Variants in DOCK10 observed in about 807,000 individuals in gnomAD.
DOCK10 encodes dedicator of cytokinesis protein 10.
DOCK10 carries 145 observed loss-of-function variants against 280.1 expected under a neutral mutation model. The ratio of observed to expected loss-of-function variants is 0.52; its 90% CI spans 0.45 to 0.59. The LOEUF is 0.59. DOCK10 is among the 20% of genes least tolerant of loss of function. The pLI, the probability that DOCK10 is intolerant of heterozygous loss-of-function variation, is 0.00. For missense variants in DOCK10, 2,368 were observed against 2,651.7 expected, an observed-to-expected ratio of 0.89 and a Z score of 2.35; for synonymous variants, 915 against 942.2, an observed-to-expected ratio of 0.97 and a Z score of 0.53.
At chr2:225,025,912 A>G (rs537198133) in intron 1 of DOCK10, among the ~76,000 whole-genome samples, 1 of 152,310 alleles carries the variant, frequency 6.6e-6, no homozygotes, top group South Asian at 2.1e-4. Flanking sequence ...CTCTGTCTGG[A>G]AGCAATGAGA....
intron 39 of DOCK10, 30 bp from the exon 40 acceptor site, chr2:224,802,070 G>A (rs1693054222): frequency 1.2e-6 from 2 of 1,605,724 alleles, no homozygotes; most frequent in African/African-American, 1.3e-5. Context: ...AGTGGTTAGA[G>A]TTATTTGGGG....
chr2:224,778,657 A>C (rs1691054650), intron 50 of DOCK10, among the ~76,000 whole-genome samples: 1 of 152,208 alleles, frequency 6.6e-6, no homozygotes, highest in Non-Finnish European at 1.5e-5. Flanking sequence ...GGCAGCATTC[A>C]AAGAGCAGTC....
intron 25 of DOCK10, among the ~76,000 whole-genome samples, chr2:224,835,830 A>G (rs1320660661): frequency 6.6e-6 from 1 of 152,252 alleles, no homozygotes; most frequent in Non-Finnish European, 1.5e-5. Context: ...AATTCCACAT[A>G]GGTGTATTTT....
intron 2 of DOCK10, among the ~76,000 whole-genome samples, chr2:224,918,105 G>T (rs1701437209): frequency 6.6e-6 from 1 of 152,108 alleles, no homozygotes; most frequent in South Asian, 2.1e-4. Context: ...TGCCACCAAG[G>T]GCGGCGTCCT....
chr2:224,919,132 T>C (rs371446762), intron 2 of DOCK10, among the ~76,000 whole-genome samples: 1 of 148,166 alleles, frequency 6.7e-6, no homozygotes, highest in East Asian at 2.0e-4. Flanking sequence ...GTGTGGCACG[T>C]ATATGTGTGG....
intron 51 of DOCK10, among the ~76,000 whole-genome samples, chr2:224,777,283 G>A (rs1446153924): frequency 7.9e-5 from 12 of 152,232 alleles, no homozygotes; most frequent in Non-Finnish European, 1.5e-5. Context: ...ATTGAAGGAT[G>A]CAAAGTATTG....
At chr2:224,876,498 A>C (rs1403152654) in intron 7 of DOCK10, among the ~76,000 whole-genome samples, 1 of 152,162 alleles carries the variant, frequency 6.6e-6, no homozygotes, top group Non-Finnish European at 1.5e-5. Context: ...GCTTGAGTAT[A>C]TTCTTAACTC....
At position 224,999,067 on chromosome 2, in the gene DOCK10, G is replaced by A. The variant is rs1706352696; in HGVS notation, c.123+43185C>T. Among the ~76,000 whole-genome samples the A allele has an allele frequency of 3.9e-5, 6 of 152,214 alleles. No homozygotes were observed. In the South Asian group the frequency reaches 1.2e-3, roughly 32 times the overall value. The stretch of plus-strand genomic sequence containing the variant: ...CTGGGTGTGATGGTATACACCTGTA[G>A]TCCCAGCTACTCAGGAGGCTGAGGC... On this transcript the variant is annotated intron_variant, in intron 1 of 55. Transcript: ENST00000258390.
At chr2:224,845,097 C>T in intron 21 of DOCK10, 106 bp downstream of exon 21, 2 of 1,196,234 alleles carry the variant, frequency 1.7e-6, no homozygotes, top group East Asian at 2.6e-5. Flanking sequence ...TTCATAGCTA[C>T]AAGGGACATG....
chr2:224,916,562 A>T, intron 3 of DOCK10, 133 bp downstream of exon 3: 2 of 469,272 alleles, frequency 4.3e-6, no homozygotes, highest in Admixed American at 3.9e-5. Context: ...AAAAAAAAAA[A>T]GACATCCACT....
At position 224,855,087 on chromosome 2, in the gene DOCK10, A is replaced by ACACACG. The variant is rs1553598417; in HGVS notation, c.1809-46_1809-45insCGTGTG. The ACACACG allele has an allele frequency of 3.3e-6, 4 of 1,200,194 alleles. No homozygotes were observed. In the African/African-American group the frequency reaches 6.2e-5, roughly 18 times the overall value. The allele number at this position is 1,200,194 out of a possible 1,614,324, so 74.3% of individuals were successfully genotyped here. A position where few individuals can be genotyped will look rare whatever the true frequency, so the allele number is the denominator to read the frequency against. ...AGGACACACACACACACACACACACACACACACACACACAGAGTATTATTC... is the reference window on the plus strand; with the variant it reads ...AGGACACACACACACACACACACACACACACGCACACACACACACAGAGTATTATTC... On this transcript the variant is annotated intron_variant, in intron 15 of 55. Coordinates refer to ENST00000258390, the MANE Select transcript of DOCK10 (RefSeq NM_014689.3).
Position 224,885,816 on chromosome 2 carries a change from G to C in DOCK10, c.613-11C>G. The C allele has an allele frequency of 6.2e-7, 1 of 1,610,584 alleles. No individual in the cohort carries two copies. Among genetic ancestry groups the C allele is most frequent in the Middle Eastern group, 1.9e-4 (1 of 5,274 alleles). ...GCGCTTTTTGAATGACTAAATAAAG[G>C]AAAAGATATAAGGAGATATTCAAAT... On this transcript the variant is annotated splice_polypyrimidine_tract_variant and intron_variant, in intron 6 of 55. Transcript: ENST00000258390.
At chr2:224,964,239 A>T (rs998022210) in intron 1 of DOCK10, among the ~76,000 whole-genome samples, 9 of 152,314 alleles carry the variant, frequency 5.9e-5, no homozygotes, top group African/African-American at 2.2e-4. Context: ...AAGCTGCTGT[A>T]ATAATAAGGG....
chr2:225,030,074 A>T (rs1271297549), intron 1 of DOCK10, among the ~76,000 whole-genome samples: 1 of 148,936 alleles, frequency 6.7e-6, no homozygotes, highest in East Asian at 2.0e-4. Context: ...GGAGCCCAGG[A>T]GGCAGAAGTT....
chr2:224,855,077 A>T, intron 15 of DOCK10, 35 bp from the exon 16 acceptor site: 1 of 1,113,530 alleles, frequency 9.0e-7, no homozygotes, highest in Non-Finnish European at 1.3e-6. Flanking sequence ...ACACACACAC[A>T]CACACACACA....
intron 1 of DOCK10, among the ~76,000 whole-genome samples, chr2:224,974,439 GACAAAAAT>G (rs1228561848): frequency 6.6e-6 from 1 of 152,038 alleles, no homozygotes; most frequent in East Asian, 1.9e-4. Context: ...ATTGAAGGCT[GACAAAAAT>G]ACTGTATTTA....
chr2:224,910,170 C>T (rs17199389), intron 3 of DOCK10, among the ~76,000 whole-genome samples: 7,322 of 152,238 alleles, frequency 0.048, 234 homozygotes, highest in Non-Finnish European at 0.065. Flanking sequence ...AATAACGTTG[C>T]TTAATACACT....
chr2:224,868,949 T>C (rs1698097022), intron 11 of DOCK10, among the ~76,000 whole-genome samples: 1 of 152,182 alleles, frequency 6.6e-6, no homozygotes. Context: ...ACTTTGTGAA[T>C]GGAAATAAAT....
At chr2:225,002,883 ATGT>A (rs940562545) in intron 1 of DOCK10, among the ~76,000 whole-genome samples, 14 of 152,150 alleles carry the variant, frequency 9.2e-5, no homozygotes, top group Admixed American at 3.9e-4. Flanking sequence ...CACCCACAGA[ATGT>A]TGTTGGTCGC....
Sources: allele counts gnomAD v4.1 joint callset (sites outside exome capture counted in the v4.1 genomes callset), GRCh38; gene constraint gnomAD v4.1.1; transcripts MANE v1.5; gene names NCBI Gene and HGNC (gene_info 2026-07-23, HGNC 2026-07-21).